The following DCAF6 variants were observed in gnomAD, a reference collection of about 807,000 sequenced individuals.
DCAF6 encodes DDB1 and CUL4 associated factor 6, also known as DDB1- and CUL4-associated factor 6.
A neutral mutation model predicts 125.1 loss-of-function variants in DCAF6; 54 were observed. That is an observed-to-expected ratio of 0.43 (90% CI 0.35 to 0.54). The LOEUF (loss-of-function observed/expected upper bound fraction) is 0.54, where lower values mean the gene tolerates loss of function less well. Among genes scored for constraint, DCAF6 ranks in the 20% least tolerant of loss-of-function variants. The probability of loss-of-function intolerance (pLI) is 0.01; values close to 1 mark genes in which losing one functional copy is unlikely to be tolerated. For missense variants in DCAF6, 934 were observed against 1,161.7 expected (o/e 0.80, Z 2.85); for synonymous variants, 371 against 390.4 (o/e 0.95, Z 0.58).
chr1:167,914,283 C>T, the DCAF6 span: 2 of 152,200 alleles, frequency 1.3e-5, no homozygotes, highest in Non-Finnish European at 2.9e-5. Flanking sequence ...GTTTCAGGTT[C>T]TCTTATCCGC....
At chr1:167,907,609 G>A in the DCAF6 span, among the ~76,000 whole-genome samples, 2 of 152,186 alleles carry the variant, frequency 1.3e-5, no homozygotes, top group South Asian at 2.1e-4. Context: ...CCTACCATGT[G>A]CACAATAGGA....
chr1:168,044,737 T>C, intron 15 of DCAF6, 66 bp downstream of exon 15: 1 of 1,455,320 alleles, frequency 6.9e-7, no homozygotes, highest in South Asian at 1.2e-5. Flanking sequence ...TATGTTAATC[T>C]CTCTATAGTT....
the DCAF6 span, among the ~76,000 whole-genome samples, chr1:167,909,211 T>C: frequency 3.1e-4 from 47 of 152,204 alleles, no homozygotes; most frequent in Admixed American, 7.9e-4. Flanking sequence ...ATATCAATAA[T>C]TGTTCATTTT....
At position 167,974,751 on chromosome 1, in the gene DCAF6, A is replaced by G. The variant is rs916815404; in HGVS notation, c.253-79A>G. ...ATGAGAATGTTAATGAGAATGTATT[A>G]CTGGCTATGATTATATTAAAAATGA... On this transcript the variant is annotated intron_variant, in intron 3 of 21. Coordinates refer to ENST00000367840, the MANE Select transcript of DCAF6 (RefSeq NM_001198956.2). The G allele has an allele frequency of 1.2e-5, 13 of 1,089,612 alleles. No homozygotes were observed. The Middle Eastern group carries it at 1.1e-3, about 92-fold the overall frequency. The allele number at this position is 1,089,612 out of a possible 1,614,324, so 67.5% of individuals were successfully genotyped here. A position where few individuals can be genotyped will look rare whatever the true frequency, so the allele number is the denominator to read the frequency against.
Position 167,937,084 on chromosome 1 carries a change from T to C in DCAF6, c.97+76T>C. 8 of 1,319,754 alleles carry C rather than the reference T, an allele frequency of 6.1e-6. No individual in the cohort carries two copies. The South Asian group carries it at 1.0e-4, about 17-fold the overall frequency. 81.8% of individuals were successfully genotyped at this position (1,319,754 alleles called of 1,614,324 possible). Reference sequence around the variant, plus strand: ...GGAGGGGGCACGCTGCCGGGTCTGTTGGAGGTGGGACGGCGTCTCGGTGGG... The same window carrying C: ...GGAGGGGGCACGCTGCCGGGTCTGTCGGAGGTGGGACGGCGTCTCGGTGGG... On this transcript the variant is annotated intron_variant, in intron 1 of 21. Coordinates refer to ENST00000367840, the MANE Select transcript of DCAF6 (RefSeq NM_001198956.2).
chr1:167,943,807 A>G (rs991525527), intron 1 of DCAF6, among the ~76,000 whole-genome samples: 2 of 152,052 alleles, frequency 1.3e-5, no homozygotes, highest in African/African-American at 2.4e-5. Context: ...AATGACCTCT[A>G]GTTCCATCCA....
At chr1:168,053,836 G>C (rs1328674789) in intron 17 of DCAF6, among the ~76,000 whole-genome samples, 2 of 152,290 alleles carry the variant, frequency 1.3e-5, no homozygotes, top group Admixed American at 1.3e-4. Context: ...GCAGGGTTGT[G>C]TCCCAGGCAG....
chr1:168,040,512 C>G (rs914495320), intron 13 of DCAF6, among the ~76,000 whole-genome samples: 3 of 151,356 alleles, frequency 2.0e-5, no homozygotes, highest in African/African-American at 7.3e-5. Context: ...TGATGGGATT[C>G]TAGATATATA....
the DCAF6 span, chr1:167,901,572 T>C: frequency 7.5e-7 from 1 of 1,330,786 alleles, no homozygotes. Flanking sequence ...GCCACCATGT[T>C]CTACTACTTC....
At chr1:167,956,359 C>G (rs559540838) in intron 2 of DCAF6, among the ~76,000 whole-genome samples, 1 of 152,064 alleles carries the variant, frequency 6.6e-6, no homozygotes, top group South Asian at 2.1e-4. Context: ...TAAAATTGTT[C>G]ATAATATTCC....
At chr1:167,867,529 T>C in the DCAF6 span, among the ~76,000 whole-genome samples, 1 of 152,210 alleles carries the variant, frequency 6.6e-6, no homozygotes, top group Non-Finnish European at 1.5e-5. Flanking sequence ...CTTGTTTGTA[T>C]AATGCTATTC....
At chr1:167,864,421 C>A in the DCAF6 span, among the ~76,000 whole-genome samples, 1 of 152,208 alleles carries the variant, frequency 6.6e-6, no homozygotes, top group Non-Finnish European at 1.5e-5. Context: ...GAAGCCTAGA[C>A]AGGTCCCTTG....
intron 2 of DCAF6, among the ~76,000 whole-genome samples, chr1:167,963,434 T>G (rs1675925729): frequency 8.9e-6 from 1 of 112,656 alleles, no homozygotes; most frequent in Non-Finnish European, 1.7e-5. Flanking sequence ...TTTTTTTGTT[T>G]CTGTTTTTTT....
chr1:167,898,191 G>A, the DCAF6 span, among the ~76,000 whole-genome samples: 2 of 151,516 alleles, frequency 1.3e-5, no homozygotes, highest in Admixed American at 6.6e-5. Context: ...TATGAAAGAT[G>A]TTAACATTAG....
chr1:167,993,551 A>G (rs1681183451), intron 7 of DCAF6, 111 bp downstream of exon 7: 2 of 765,838 alleles, frequency 2.6e-6, no homozygotes, highest in African/African-American at 1.8e-5. Context: ...GGAGTTTGCA[A>G]CCAGCCTGAC....
the DCAF6 span, among the ~76,000 whole-genome samples, chr1:167,906,160 A>G: frequency 1.6e-4 from 25 of 152,186 alleles, no homozygotes; most frequent in African/African-American, 6.0e-4. Flanking sequence ...TTTAAGGGGA[A>G]GTATTTAAAA....
the DCAF6 span, chr1:167,902,035 T>C: frequency 6.2e-7 from 1 of 1,611,132 alleles, no homozygotes; most frequent in Non-Finnish European, 8.5e-7. Flanking sequence ...TCAGGATGTC[T>C]CCTCCAAAAA....
chr1:167,911,810 T>C, the DCAF6 span, among the ~76,000 whole-genome samples: 3 of 152,292 alleles, frequency 2.0e-5, no homozygotes, highest in Admixed American at 2.0e-4. Context: ...AGAGATGAAT[T>C]AGATGATTGT....
At chr1:167,967,480 CTGAT>C (rs1284614554) in intron 3 of DCAF6, among the ~76,000 whole-genome samples, 1 of 152,058 alleles carries the variant, frequency 6.6e-6, no homozygotes, top group Non-Finnish European at 1.5e-5. Context: ...AAACAGCTGA[CTGAT>C]TGTAATAAAA....
Sources: allele counts gnomAD v4.1 joint callset (sites outside exome capture counted in the v4.1 genomes callset), GRCh38; gene constraint gnomAD v4.1.1; transcripts MANE v1.5; gene names NCBI Gene and HGNC (gene_info 2026-07-23, HGNC 2026-07-21).